The following MAP2K6 variants were observed in gnomAD, a reference collection of about 807,000 sequenced individuals.
The protein encoded by MAP2K6 is dual specificity mitogen-activated protein kinase kinase 6.
MAP2K6 carries 16 observed loss-of-function variants against 53.7 expected under a neutral mutation model. The ratio of observed to expected loss-of-function variants is 0.30; its 90% CI spans 0.20 to 0.45. The LOEUF (loss-of-function observed/expected upper bound fraction) is 0.45. Ranked by LOEUF, MAP2K6 falls within the 20% of genes least tolerant of loss-of-function variation. The pLI, the probability that MAP2K6 is intolerant of heterozygous loss-of-function variation, is 1.00. For missense variants in MAP2K6, 204 were observed against 411.9 expected (o/e 0.50, Z 4.37); for synonymous variants, 132 against 143.1 (o/e 0.92, Z 0.55).
chr17:69,440,287 A>G (rs983705062), intron 1 of MAP2K6, among the ~76,000 whole-genome samples: 3 of 152,132 alleles, frequency 2.0e-5, no homozygotes, highest in African/African-American at 4.8e-5. Flanking sequence ...ACCTTAGGTG[A>G]TCTGCCTGCC....
intron 1 of MAP2K6, among the ~76,000 whole-genome samples, chr17:69,436,574 C>T (rs890882260): frequency 4.6e-5 from 7 of 152,174 alleles, no homozygotes; most frequent in East Asian, 3.9e-4. Flanking sequence ...GTATCCAGGG[C>T]GAGCCTTATG....
In MAP2K6 at chr17:69,449,565, C is replaced by CTTTA. The variant is rs1202852766; in HGVS notation, c.16+34568_16+34569insATTT. Among the ~76,000 whole-genome samples, 413 of 94,316 alleles carry CTTTA rather than the reference C, an allele frequency of 4.4e-3. 1 individual carries two copies. Among genetic ancestry groups the CTTTA allele is most frequent in the Non-Finnish European group, 6.0e-3 (294 of 49,346 alleles). 61.9% of individuals were successfully genotyped at this position (94,316 alleles called of 152,430 possible). Reference sequence around the variant, plus strand: ...TCTTTCTTTCTTTCTTTCTTTATTTCTTTCTTTCTTTCTTTCTTTCTTTCT... The same window carrying CTTTA: ...TCTTTCTTTCTTTCTTTCTTTATTTCTTTATTTCTTTCTTTCTTTCTTTCTTTCT... On this transcript the variant is annotated intron_variant, in intron 1 of 11. Coordinates refer to ENST00000590474, the MANE Select transcript of MAP2K6 (RefSeq NM_002758.4).
chr17:69,508,795 A>G (rs1365808436), intron 2 of MAP2K6, among the ~76,000 whole-genome samples: 5 of 152,212 alleles, frequency 3.3e-5, no homozygotes, highest in South Asian at 4.1e-4. Flanking sequence ...TGTTCAAGGT[A>G]TGAGTTTAGG....
intron 1 of MAP2K6, among the ~76,000 whole-genome samples, chr17:69,482,512 A>AT (rs533571443): frequency 0.016 from 2,286 of 145,712 alleles, 17 homozygotes; most frequent in East Asian, 0.024. Flanking sequence ...CCATTTGTGT[A>AT]TTTTTTTTTT....
Position 69,553,133 on chromosome 17 carries a change from G to A in MAP2K6, c.*11380G>A, listed in dbSNP as rs1912165251. 6.6e-6 allele frequency: 1 copy of A among 152,146 alleles called. No individual in the cohort carries two copies. Among genetic ancestry groups the A allele is most frequent in the Non-Finnish European group, 1.5e-5 (1 of 68,026 alleles). 9.4% of individuals were successfully genotyped at this position (152,146 alleles called of 1,614,324 possible). A position where few individuals can be genotyped will look rare whatever the true frequency, so the allele number is the denominator to read the frequency against. The stretch of plus-strand genomic sequence containing the variant: ...AATAACATTGATGGGGGACAAGACT[G>A]GATGATTGACTTCTATCAGTCAGTA... On this transcript the variant is annotated 3_prime_UTR_variant, in exon 12 of 12. Transcript: ENST00000590474.
At position 69,491,108 on chromosome 17, in the gene MAP2K6, T is replaced by TTTCCTTCCTTCC. The variant is rs34072741; in HGVS notation, c.17-14657_17-14646dup. Among the ~76,000 whole-genome samples, 417 of 148,844 alleles carry TTTCCTTCCTTCC rather than the reference T, an allele frequency of 2.8e-3. 3 individuals carry two copies. Among genetic ancestry groups the TTTCCTTCCTTCC allele is most frequent in the African/African-American group, 0.01 (398 of 39,272 alleles). ...GGTGTATATGTACCACATTGTCTTT[T>TTTCCTTCCTTCC]TTCCTTCCTTCCTTCCTTCCTTCCT... On this transcript the variant is annotated intron_variant, in intron 1 of 11. Coordinates refer to ENST00000590474, the MANE Select transcript of MAP2K6 (RefSeq NM_002758.4).
intron 6 of MAP2K6, 30 bp from the exon 7 acceptor site, chr17:69,521,019 A>C: frequency 6.5e-7 from 1 of 1,547,802 alleles, no homozygotes; most frequent in Admixed American, 1.8e-5. Context: ...GCAATGTGAT[A>C]AATAAATCTA....
chr17:69,526,650 A>C lies in MAP2K6; in HGVS notation c.822A>C (p.Pro274=), dbSNP rs1910787121. The change falls in exon 10 of 12, where the codon CCA becomes CCC. Residue 274 remains proline (P), a synonymous_variant. Coordinates refer to ENST00000590474, the MANE Select transcript of MAP2K6 (RefSeq NM_002758.4). ...AGCTCAAACAGGTGGTAGAGGAGCC[A>C]TCGCCACAACTCCCAGCAGACAAGT... ...FQQLKQVVEE[P]SPQLPADKFS... 6.2e-7 allele frequency: 1 copy of C among 1,614,034 alleles called. No homozygotes were observed. The highest frequency in any genetic ancestry group is 1.3e-5 in the African/African-American group (1 of 74,950).
chr17:69,450,161 C>T (rs1907171070), intron 1 of MAP2K6, among the ~76,000 whole-genome samples: 1 of 149,000 alleles, frequency 6.7e-6, no homozygotes. Flanking sequence ...CCATGTTGGC[C>T]AGGCTGGTCT....
intron 1 of MAP2K6, among the ~76,000 whole-genome samples, chr17:69,473,716 G>A (rs113541518): frequency 4.3e-4 from 66 of 152,186 alleles, no homozygotes; most frequent in Non-Finnish European, 8.5e-4. Context: ...GAGAATGGCA[G>A]TTAATGTACA....
intron 1 of MAP2K6, among the ~76,000 whole-genome samples, chr17:69,454,807 G>A (rs1038431170): frequency 6.6e-6 from 1 of 152,176 alleles, no homozygotes; most frequent in Non-Finnish European, 1.5e-5. Context: ...ATAAAAATAT[G>A]TGGAAATTCA....
At chr17:69,514,541 C>A (rs1910038294) in intron 2 of MAP2K6, among the ~76,000 whole-genome samples, 1 of 151,984 alleles carries the variant, frequency 6.6e-6, no homozygotes, top group Non-Finnish European at 1.5e-5. Context: ...ATGTTTATAT[C>A]TGTATTTGTA....
In MAP2K6 at chr17:69,551,725, T is replaced by A. The variant is rs1393032134; in HGVS notation, c.*9972T>A. ...ATTTTCTATATGAACTGAAATGATG[T>A]TTTAATAGAATAATAGGTATTTTTA... On this transcript the variant is annotated 3_prime_UTR_variant, in exon 12 of 12. Transcript: ENST00000590474. The A allele has an allele frequency of 1.6e-4, 24 of 152,232 alleles. No individual in the cohort carries two copies. The highest frequency in any genetic ancestry group is 1.6e-3 in the Admixed American group (24 of 15,282). 9.4% of individuals were successfully genotyped at this position (152,232 alleles called of 1,614,324 possible). A position where few individuals can be genotyped will look rare whatever the true frequency, so the allele number is the denominator to read the frequency against.
chr17:69,517,644 A>T lies in MAP2K6; in HGVS notation c.246+31A>T, dbSNP rs755029892. ...GTTGACATTCTCCCAAATGTTTTATATCTGCTGTGTATACATTTGTCCACC... is the reference window on the plus strand; with the variant it reads ...GTTGACATTCTCCCAAATGTTTTATTTCTGCTGTGTATACATTTGTCCACC... On this transcript the variant is annotated intron_variant, in intron 4 of 11. Transcript: ENST00000590474. 1.2e-5 allele frequency: 18 copies of T among 1,505,286 alleles called. 1 individual carries two copies. The South Asian group carries it at 1.8e-4, about 15-fold the overall frequency. 93.2% of individuals were successfully genotyped at this position (1,505,286 alleles called of 1,614,324 possible).
At chr17:69,491,667 T>G (rs925334473) in intron 1 of MAP2K6, among the ~76,000 whole-genome samples, 1 of 152,158 alleles carries the variant, frequency 6.6e-6, no homozygotes, top group African/African-American at 2.4e-5. Flanking sequence ...ATAGTTGAAC[T>G]GAGTTACACT....
chr17:69,471,564 G>C (rs906224337), intron 1 of MAP2K6, among the ~76,000 whole-genome samples: 6 of 152,122 alleles, frequency 3.9e-5, no homozygotes, highest in Non-Finnish European at 5.9e-5. Context: ...CCTACTAGGC[G>C]CAATGTTCAC....
At chr17:69,416,555 T>C (rs576099674) in intron 1 of MAP2K6, among the ~76,000 whole-genome samples, 1 of 152,218 alleles carries the variant, frequency 6.6e-6, no homozygotes, top group South Asian at 2.1e-4. Flanking sequence ...ATATGTGTAA[T>C]ATATTGTGAT....
intron 1 of MAP2K6, chr17:69,502,586 G>A: frequency 1.0e-6 from 1 of 985,266 alleles, no homozygotes; most frequent in Non-Finnish European, 1.2e-6. Context: ...GGAAATATTA[G>A]GTTTAAGATA....
chr17:69,519,910 G>A (rs1161739357), intron 5 of MAP2K6: 1 of 233,698 alleles, frequency 4.3e-6, no homozygotes, highest in Non-Finnish European at 8.3e-6. Flanking sequence ...CTGGTATTTA[G>A]TGTGAGAGAT....
Sources: allele counts gnomAD v4.1 joint callset (sites outside exome capture counted in the v4.1 genomes callset), GRCh38; gene constraint gnomAD v4.1.1; transcripts MANE v1.5; gene names NCBI Gene and HGNC (gene_info 2026-07-23, HGNC 2026-07-21).